Variants in LRP1B observed in about 807,000 individuals in gnomAD.
LRP1B encodes the protein LDL receptor related protein 1B.
In LRP1B, 217 loss-of-function variants were observed where a neutral mutation model predicts 556.6. The ratio of observed to expected loss-of-function variants is 0.39; its 90% CI spans 0.35 to 0.44. The LOEUF is 0.44. LRP1B is among the 20% of genes least tolerant of loss of function. The probability of loss-of-function intolerance (pLI) is 1.00; values close to 1 mark genes in which losing one functional copy is unlikely to be tolerated. For missense variants in LRP1B, 5,053 were observed against 5,620.8 expected, an observed-to-expected ratio of 0.90 and a Z score of 3.23; for synonymous variants, 2,047 against 1,865.8, an observed-to-expected ratio of 1.10 and a Z score of -2.50.
intron 32 of LRP1B, among the ~76,000 whole-genome samples, chr2:140,811,757 A>T (rs997478637): frequency 4.8e-5 from 7 of 145,128 alleles, no homozygotes; most frequent in East Asian, 3.9e-4. Context: ...TCTGTTTTTT[A>T]AAAAAAGTCA....
At chr2:140,601,133 A>G (rs556040466) in intron 42 of LRP1B, among the ~76,000 whole-genome samples, 3 of 149,092 alleles carry the variant, frequency 2.0e-5, no homozygotes, top group South Asian at 2.1e-4. Context: ...TAATTTTTTT[A>G]AATATATGGT....
At chr2:141,100,616 T>C (rs978000155) in intron 7 of LRP1B, among the ~76,000 whole-genome samples, 1 of 152,170 alleles carries the variant, frequency 6.6e-6, no homozygotes, top group Admixed American at 6.6e-5. Context: ...GAATCACTTA[T>C]AAGATGTGGG....
chr2:141,357,145 T>A (rs1688657946), intron 3 of LRP1B, among the ~76,000 whole-genome samples: 1 of 152,066 alleles, frequency 6.6e-6, no homozygotes, highest in Non-Finnish European at 1.5e-5. Flanking sequence ...AACCTCCACC[T>A]CCCGGGTTCA....
At chr2:141,731,704 T>C (rs1693280262) in intron 2 of LRP1B, among the ~76,000 whole-genome samples, 1 of 152,126 alleles carries the variant, frequency 6.6e-6, no homozygotes, top group Non-Finnish European at 1.5e-5. Context: ...CTCCACCATC[T>C]ACCAACTTCA....
At chr2:141,275,240 C>A (rs1238456402) in intron 3 of LRP1B, among the ~76,000 whole-genome samples, 1 of 152,054 alleles carries the variant, frequency 6.6e-6, no homozygotes, top group Non-Finnish European at 1.5e-5. Context: ...TGGTTCAGCT[C>A]TCTAGATAAT....
chr2:140,497,146 T>G (rs751161002), intron 55 of LRP1B, among the ~76,000 whole-genome samples: 1 of 151,982 alleles, frequency 6.6e-6, no homozygotes, highest in African/African-American at 2.4e-5. Context: ...TTCCCAATTC[T>G]GTTTACAAGA....
At chr2:142,029,158 C>T (rs890736418) in intron 1 of LRP1B, among the ~76,000 whole-genome samples, 1 of 151,842 alleles carries the variant, frequency 6.6e-6, no homozygotes, top group Non-Finnish European at 1.5e-5. Context: ...AAACAGTTTC[C>T]AGGCCCTATA....
At chr2:140,459,185 T>C (rs1687218104) in intron 60 of LRP1B, among the ~76,000 whole-genome samples, 1 of 152,116 alleles carries the variant, frequency 6.6e-6, no homozygotes, top group South Asian at 2.1e-4. Context: ...TATAATTAAT[T>C]ATGTGTGAGC....
At chr2:141,144,786 T>C (rs1368400867) in intron 7 of LRP1B, among the ~76,000 whole-genome samples, 1 of 152,222 alleles carries the variant, frequency 6.6e-6, no homozygotes, top group East Asian at 1.9e-4. Flanking sequence ...AAGTGCATAT[T>C]GATGGGCATA....
intron 20 of LRP1B, among the ~76,000 whole-genome samples, chr2:140,927,688 G>GA (rs1440377110): frequency 6.9e-6 from 1 of 144,944 alleles, no homozygotes; most frequent in Non-Finnish European, 1.5e-5. Context: ...GTGTGAGGCA[G>GA]ATTAGTATTA....
intron 2 of LRP1B, among the ~76,000 whole-genome samples, chr2:141,807,274 T>A (rs1696196178): frequency 6.6e-6 from 1 of 152,050 alleles, no homozygotes. Context: ...TAACGCTTTT[T>A]TTTTCTATGC....
At chr2:140,299,044 GT>G (rs1312149923) in intron 83 of LRP1B, among the ~76,000 whole-genome samples, 3 of 152,180 alleles carry the variant, frequency 2.0e-5, no homozygotes, top group Admixed American at 2.0e-4. Flanking sequence ...TCTTTCTCTT[GT>G]CTTTGTAGAC....
chr2:140,839,053 A>T (rs993119965), intron 31 of LRP1B, among the ~76,000 whole-genome samples: 1 of 152,204 alleles, frequency 6.6e-6, no homozygotes, highest in African/African-American at 2.4e-5. Context: ...GTGAATAAAG[A>T]CTAAATACTA....
intron 6 of LRP1B, among the ~76,000 whole-genome samples, chr2:141,218,143 T>C (rs1682890174): frequency 6.6e-6 from 1 of 152,150 alleles, no homozygotes; most frequent in Non-Finnish European, 1.5e-5. Flanking sequence ...GATTGTAAAT[T>C]AGTTCTCGAT....
intron 3 of LRP1B, among the ~76,000 whole-genome samples, chr2:141,360,075 A>G (rs1413303585): frequency 2.0e-5 from 3 of 152,224 alleles, no homozygotes; most frequent in East Asian, 3.8e-4. Context: ...TTGTAATTCT[A>G]TAAAACACAG....
intron 3 of LRP1B, among the ~76,000 whole-genome samples, chr2:141,362,410 G>A (rs1688857311): frequency 6.6e-6 from 1 of 152,190 alleles, no homozygotes; most frequent in African/African-American, 2.4e-5. Flanking sequence ...GCCAGCAGAT[G>A]GGCATGGCAG....
At chr2:142,063,383 T>G (rs1224107928) in intron 1 of LRP1B, among the ~76,000 whole-genome samples, 1 of 151,572 alleles carries the variant, frequency 6.6e-6, no homozygotes, top group Non-Finnish European at 1.5e-5. Context: ...GAAGATACTC[T>G]TAGAAAGTTA....
rs181936502 is a variant in LRP1B at position 141,116,753 on chromosome 2, C to T, written c.1014-54480G>A. Among the ~76,000 whole-genome samples the T allele has an allele frequency of 3.6e-4, 54 of 151,560 alleles. No individual in the cohort carries two copies. The East Asian group carries it at 7.2e-3, about 20-fold the overall frequency. On this transcript the variant is annotated intron_variant, in intron 7 of 90. Coordinates refer to ENST00000389484, the MANE Select transcript of LRP1B (RefSeq NM_018557.3). Reference sequence around the variant, plus strand: ...ATTTTTTTTTTTCTATAAACTCTGCCTTTTCTAATCTCACCTTGACAAAAA... The same window carrying T: ...ATTTTTTTTTTTCTATAAACTCTGCTTTTTCTAATCTCACCTTGACAAAAA...
At chr2:140,999,035 T>A (rs1697334502) in intron 15 of LRP1B, among the ~76,000 whole-genome samples, 1 of 152,236 alleles carries the variant, frequency 6.6e-6, no homozygotes, top group East Asian at 1.9e-4. Context: ...GAATTCCATT[T>A]GTAGTTGTCT....
Sources: gnomAD v4.1 joint callset for allele counts (sites outside exome capture counted in the v4.1 genomes callset) on GRCh38, gnomAD v4.1.1 for gene constraint, MANE v1.5 for transcripts, NCBI Gene and HGNC (gene_info 2026-07-23, HGNC 2026-07-21) for gene names.